Variants in RBFOX1 observed in about 807,000 individuals in gnomAD.
RBFOX1 encodes the protein RNA binding fox-1 homolog 1.
RBFOX1 carries 8 observed loss-of-function variants against 57.7 expected under a neutral mutation model. The ratio of observed to expected loss-of-function variants is 0.14; its 90% CI spans 0.08 to 0.25. The LOEUF is 0.25. Among genes scored for constraint, RBFOX1 ranks in the 10% least tolerant of loss-of-function variants. RBFOX1 has a pLI of 1.00. For synonymous variants in RBFOX1, 326 were observed against 222.4 expected (o/e 1.47, Z -4.15); for missense variants, 611 against 548.5 (o/e 1.11, Z -1.14).
chr16:7,238,728 A>G (rs1050231957), intron 4 of RBFOX1, among the ~76,000 whole-genome samples: 1 of 152,086 alleles, frequency 6.6e-6, no homozygotes, highest in Non-Finnish European at 1.5e-5. Flanking sequence ...TGTGCAGATT[A>G]TTTCATCACC....
At chr16:7,559,649 T>C (rs2089825314) in intron 5 of RBFOX1, among the ~76,000 whole-genome samples, 1 of 152,174 alleles carries the variant, frequency 6.6e-6, no homozygotes, top group Non-Finnish European at 1.5e-5. Flanking sequence ...AAGGTGGATA[T>C]GGAGGGTAAT....
At chr16:7,362,881 T>A (rs998446800) in intron 4 of RBFOX1, among the ~76,000 whole-genome samples, 1 of 152,192 alleles carries the variant, frequency 6.6e-6, no homozygotes, top group African/African-American at 2.4e-5. Flanking sequence ...AGTCCAGATG[T>A]GAGAGTCAGA....
chr16:6,838,830 G>A (rs1350915621), intron 3 of RBFOX1, among the ~76,000 whole-genome samples: 3 of 151,940 alleles, frequency 2.0e-5, no homozygotes, highest in Non-Finnish European at 4.4e-5. Context: ...AGCTTTCTCA[G>A]GTGCTTCCCC....
chr16:5,304,020 G>T (rs1435522797), intron 1 of RBFOX1, among the ~76,000 whole-genome samples: 3 of 152,082 alleles, frequency 2.0e-5, no homozygotes, highest in African/African-American at 7.2e-5. Context: ...TTATAGCTTT[G>T]ATCATAACTT....
Position 6,982,966 on chromosome 16 carries a change from C to T in RBFOX1, c.-15-69091C>T, listed in dbSNP as rs9926891. Among the ~76,000 whole-genome samples, 527 of 133,506 alleles carry T rather than the reference C, an allele frequency of 3.9e-3. 7 individuals carry two copies. Among genetic ancestry groups the T allele is most frequent in the African/African-American group, 0.014 (504 of 36,524 alleles). The allele number at this position is 133,506 out of a possible 152,430, so 87.6% of individuals were successfully genotyped here. On this transcript the variant is annotated intron_variant, in intron 3 of 15. Coordinates refer to ENST00000550418, the MANE Select transcript of RBFOX1 (RefSeq NM_018723.4). Reference sequence around the variant, plus strand: ...ATAACATCATGCCATTGTGCTCCAGCCTGGGTGACAAGAGTGAGACTCTGT... The same window carrying T: ...ATAACATCATGCCATTGTGCTCCAGTCTGGGTGACAAGAGTGAGACTCTGT...
intron 2 of RBFOX1, among the ~76,000 whole-genome samples, chr16:5,523,451 C>T (rs1004882074): frequency 1.3e-5 from 2 of 149,942 alleles, no homozygotes; most frequent in African/African-American, 5.0e-5. Context: ...CCTGTCTTTA[C>T]AAAAAATAAA....
intron 1 of RBFOX1, among the ~76,000 whole-genome samples, chr16:5,296,014 A>C (rs2063658189): frequency 6.6e-6 from 1 of 152,210 alleles, no homozygotes; most frequent in Admixed American, 6.5e-5. Flanking sequence ...TGTTAATATC[A>C]TCAGGTTGAT....
intron 4 of RBFOX1, among the ~76,000 whole-genome samples, chr16:7,132,561 A>C (rs1049674174): frequency 1.1e-4 from 17 of 151,828 alleles, no homozygotes; most frequent in Admixed American, 2.0e-4. Context: ...TAATGGTGAG[A>C]GGCACACATG....
chr16:5,522,901 C>T (rs1209028250), intron 2 of RBFOX1, among the ~76,000 whole-genome samples: 1 of 152,228 alleles, frequency 6.6e-6, no homozygotes, highest in African/African-American at 2.4e-5. Context: ...AATAGCATTC[C>T]ATCGTGTATC....
In RBFOX1 at chr16:6,605,757, T is replaced by C. The variant is rs149501760; in HGVS notation, c.-63-48846T>C. 1.7e-3 allele frequency among the ~76,000 whole-genome samples: 258 copies of C among 152,240 alleles called. 2 individuals are homozygous for C. Among genetic ancestry groups the C allele is most frequent in the African/African-American group, 5.9e-3 (247 of 41,546 alleles). Reference sequence around the variant, plus strand: ...AGTCCGTGTGTTCGTGGAGGTTGCATTTAGACGGGCATTTCATTATGAAAC... The same window carrying C: ...AGTCCGTGTGTTCGTGGAGGTTGCACTTAGACGGGCATTTCATTATGAAAC... On this transcript the variant is annotated intron_variant, in intron 2 of 15. Transcript: ENST00000550418.
At chr16:7,105,070 GC>G (rs1423302693) in intron 4 of RBFOX1, among the ~76,000 whole-genome samples, 1 of 152,090 alleles carries the variant, frequency 6.6e-6, no homozygotes, top group Non-Finnish European at 1.5e-5. Flanking sequence ...TTCTAGCTGA[GC>G]CCTTTGAGCT....
At chr16:6,456,891 A>G (rs1286650296) in intron 2 of RBFOX1, among the ~76,000 whole-genome samples, 1 of 152,218 alleles carries the variant, frequency 6.6e-6, no homozygotes, top group Non-Finnish European at 1.5e-5. Flanking sequence ...CAGAATTAGA[A>G]AAAAGAGAAA....
chr16:6,031,491 C>T (rs985395293), intron 1 of RBFOX1, among the ~76,000 whole-genome samples: 1 of 152,180 alleles, frequency 6.6e-6, no homozygotes, highest in Non-Finnish European at 1.5e-5. Context: ...GTACAAGGAG[C>T]ACCATGCCAG....
rs1264241838 is a variant in RBFOX1, at chr16:7,429,719, A to G, written c.28-88428A>G. Among the ~76,000 whole-genome samples, 3 of 152,280 alleles carry G rather than the reference A, an allele frequency of 2.0e-5. No homozygotes were observed. In the East Asian group the frequency reaches 5.8e-4, roughly 29 times the overall value. Reference sequence around the variant, plus strand: ...TATATCTTTTCCCTTGGGAATTTACAATTTTTATTGGGAAAAGTGCATGGG... The same window carrying G: ...TATATCTTTTCCCTTGGGAATTTACGATTTTTATTGGGAAAAGTGCATGGG... On this transcript the variant is annotated intron_variant, in intron 4 of 15. Transcript: ENST00000550418.
chr16:7,118,421 CAGAAGGAGGGAGGCA>C (rs1162764920), intron 4 of RBFOX1, among the ~76,000 whole-genome samples: 1 of 151,982 alleles, frequency 6.6e-6, no homozygotes, highest in African/African-American at 2.4e-5. Context: ...GTCAGAGACT[CAGAAGGAGGGAGGCA>C]AGGAGGAGGG....
intron 3 of RBFOX1, among the ~76,000 whole-genome samples, chr16:7,042,063 C>T (rs966835237): frequency 1.3e-5 from 2 of 152,138 alleles, no homozygotes; most frequent in African/African-American, 4.8e-5. Context: ...TACAGAAGGG[C>T]CCAGTGCTTT....
At chr16:5,504,028 G>T (rs1014926919) in intron 2 of RBFOX1, among the ~76,000 whole-genome samples, 1 of 152,084 alleles carries the variant, frequency 6.6e-6, no homozygotes, top group African/African-American at 2.4e-5. Flanking sequence ...TCTCTGGGGG[G>T]CTGGTTTGGG....
intron 3 of RBFOX1, among the ~76,000 whole-genome samples, chr16:6,957,133 T>TTTAA (rs2082029410): frequency 6.7e-6 from 1 of 149,376 alleles, no homozygotes; most frequent in African/African-American, 2.5e-5. Context: ...TATTTATTTA[T>TTTAA]TTATTTATTT....
At chr16:5,546,871 T>C (rs976929912) in intron 2 of RBFOX1, among the ~76,000 whole-genome samples, 5 of 152,202 alleles carry the variant, frequency 3.3e-5, no homozygotes, top group African/African-American at 1.2e-4. Flanking sequence ...GATAAAGGAC[T>C]TATGTGTAGA....
Sources: gnomAD v4.1 joint callset for allele counts (sites outside exome capture counted in the v4.1 genomes callset) on GRCh38, gnomAD v4.1.1 for gene constraint, MANE v1.5 for transcripts, NCBI Gene and HGNC (gene_info 2026-07-23, HGNC 2026-07-21) for gene names.